Variants in MAP7 observed in about 807,000 individuals in gnomAD.
MAP7 encodes the protein ensconsin.
MAP7 carries 52 observed loss-of-function variants against 94.8 expected under a neutral mutation model. The observed-to-expected ratio is 0.55, with a 90% CI of 0.44 to 0.69. The LOEUF (loss-of-function observed/expected upper bound fraction) is 0.69. Ranked by LOEUF, MAP7 falls within the 30% of genes least tolerant of loss-of-function variation. The probability of loss-of-function intolerance (pLI) is 0.00; values close to 1 mark genes in which losing one functional copy is unlikely to be tolerated. For missense variants in MAP7, 940 were observed against 964.6 expected (o/e 0.97, Z 0.34); for synonymous variants, 350 against 357.0 (o/e 0.98, Z 0.22).
intron 16 of MAP7, among the ~76,000 whole-genome samples, chr6:136,350,670 C>G (rs369369058): frequency 6.6e-6 from 1 of 152,140 alleles, no homozygotes. Flanking sequence ...CTGGGCAACA[C>G]AGGGAGACCT....
intron 2 of MAP7, among the ~76,000 whole-genome samples, chr6:136,414,031 C>T (rs1231055331): frequency 2.6e-5 from 4 of 151,516 alleles, no homozygotes; most frequent in Admixed American, 1.3e-4. Context: ...GGGCGGATCA[C>T]GAGGTCAGGA....
intron 1 of MAP7, among the ~76,000 whole-genome samples, chr6:136,468,777 G>A (rs912136846): frequency 3.3e-5 from 5 of 152,062 alleles, no homozygotes; most frequent in East Asian, 3.9e-4. Context: ...CTCTTAAGTC[G>A]GGACCTGGCT....
chr6:136,389,840 T>C (rs542182344), intron 3 of MAP7, among the ~76,000 whole-genome samples: 91 of 152,320 alleles, frequency 6.0e-4, no homozygotes, highest in African/African-American at 2.0e-3. Flanking sequence ...TGAAAATCAA[T>C]AGTACCATCT....
chr6:136,531,070 C>T lies in MAP7; in HGVS notation c.67+19272G>A, dbSNP rs1828443720. ...TTAGGTGTGAAATGCCACATTAAACCTTAACCCAGTAGCACATAATGGAAT... is the reference window on the plus strand; with the variant it reads ...TTAGGTGTGAAATGCCACATTAAACTTTAACCCAGTAGCACATAATGGAAT... On this transcript the variant is annotated intron_variant, in intron 1 of 17. Coordinates refer to ENST00000354570, the MANE Select transcript of MAP7 (RefSeq NM_003980.6). Among the ~76,000 whole-genome samples the T allele has an allele frequency of 1.4e-5, 2 of 145,044 alleles. 1 individual carries two copies. Among genetic ancestry groups the T allele is most frequent in the African/African-American group, 5.7e-5 (2 of 35,076 alleles).
chr6:136,372,593 C>G lies in MAP7; in HGVS notation c.784G>C (p.Ala262Pro). Residue 262 changes from alanine to proline, a missense_variant, in exon 8 of 18, where the codon GCT becomes CCT. Physicochemically the swap from Ala to Pro is conservative, Grantham distance 27. Transcript: ENST00000354570. Reference sequence around the variant, plus strand: ...TCCATCGAATTTCTAGAGTGTGCAGCTTTGTAGGGCATGATGATGGGGCTG... The same window carrying G: ...TCCATCGAATTTCTAGAGTGTGCAGGTTTGTAGGGCATGATGATGGGGCTG... ...SCSPIIMPYK[A>P]AHSRNSMDRP... The G allele has an allele frequency of 6.2e-7, 1 of 1,614,124 alleles. No individual in the cohort carries two copies. The highest frequency in any genetic ancestry group is 8.5e-7 in the Non-Finnish European group (1 of 1,180,030).
chr6:136,365,748 T>C lies in MAP7; in HGVS notation c.1260A>G (p.Pro420=), dbSNP rs147391851. ...GTTTGCTCTTACCAGGGCCAACTTC[T>C]GGTTCAGCAGGTGTCCGCTCTTCAA... ...ATVEERTPAE[P]EVGPAAPAMA... Residue 420 remains proline, a synonymous_variant, in exon 10 of 18, where the codon CCA becomes CCG. Transcript: ENST00000354570. 15 of 1,613,572 alleles carry C rather than the reference T, an allele frequency of 9.3e-6. No individual in the cohort carries two copies. The East Asian group carries it at 2.2e-4, about 24-fold the overall frequency.
intron 1 of MAP7, among the ~76,000 whole-genome samples, chr6:136,460,829 C>T (rs1458243048): frequency 6.6e-6 from 1 of 152,010 alleles, no homozygotes; most frequent in Non-Finnish European, 1.5e-5. Context: ...CTGCTTTAAA[C>T]CCACAGAACA....
In MAP7 at chr6:136,342,849, C is replaced by A. The variant is rs1172830290; in HGVS notation, c.*1379G>T. The A allele has an allele frequency of 6.6e-6, 1 of 152,128 alleles. No homozygotes were observed. The highest frequency in any genetic ancestry group is 1.5e-5 in the Non-Finnish European group (1 of 68,030). The allele number at this position is 152,128 out of a possible 1,614,324, so 9.4% of individuals were successfully genotyped here. ...ATAATGACTATGTGTACATGGACAA[C>A]TGAAAACAGGGAAAACCCCCAAATT... On this transcript the variant is annotated 3_prime_UTR_variant, in exon 18 of 18. Transcript: ENST00000354570.
chr6:136,406,172 C>T (rs564132396), intron 3 of MAP7, among the ~76,000 whole-genome samples: 3 of 152,070 alleles, frequency 2.0e-5, no homozygotes, highest in Non-Finnish European at 2.9e-5. Context: ...TAACCAGGAT[C>T]GATTCTAAGT....
chr6:136,360,844 G>A (rs749450193), intron 12 of MAP7, 46 bp from the exon 13 acceptor site: 1 of 1,598,950 alleles, frequency 6.3e-7, no homozygotes, highest in Non-Finnish European at 8.5e-7. Context: ...CAGGCGGGCT[G>A]CCCGGGTCTC....
chr6:136,522,493 A>G (rs543843368), intron 1 of MAP7, among the ~76,000 whole-genome samples: 22 of 152,266 alleles, frequency 1.4e-4, no homozygotes, highest in African/African-American at 4.8e-4. Context: ...ACCTGAAAAG[A>G]TGGTACTCAT....
At chr6:136,539,173 T>C (rs1829117688) in intron 1 of MAP7, among the ~76,000 whole-genome samples, 1 of 152,234 alleles carries the variant, frequency 6.6e-6, no homozygotes, top group South Asian at 2.1e-4. Context: ...ACTTGGTGCC[T>C]ATGCTGTGTC....
At chr6:136,511,275 G>C (rs1423061933) in intron 1 of MAP7, among the ~76,000 whole-genome samples, 1 of 152,020 alleles carries the variant, frequency 6.6e-6, no homozygotes, top group Admixed American at 6.6e-5. Context: ...ATACCATTAA[G>C]AATTAGGATA....
intron 1 of MAP7, among the ~76,000 whole-genome samples, chr6:136,507,774 T>C (rs1222929424): frequency 2.0e-5 from 3 of 152,214 alleles, no homozygotes. Context: ...CTACTAGCCC[T>C]GATTTATGGA....
intron 12 of MAP7, 26 bp from the exon 13 acceptor site, chr6:136,360,824 C>T: frequency 6.2e-7 from 1 of 1,610,804 alleles, no homozygotes; most frequent in South Asian, 1.1e-5. Flanking sequence ...CGGCGTCTGC[C>T]TCTGACAAAC....
At chr6:136,539,871 C>T (rs905092140) in intron 1 of MAP7, among the ~76,000 whole-genome samples, 3 of 152,216 alleles carry the variant, frequency 2.0e-5, no homozygotes, top group African/African-American at 7.2e-5. Flanking sequence ...CTCAGGTACT[C>T]GGTAGGCTGA....
chr6:136,460,285 T>C (rs1804742272), intron 1 of MAP7, among the ~76,000 whole-genome samples: 1 of 152,184 alleles, frequency 6.6e-6, no homozygotes, highest in Admixed American at 6.6e-5. Flanking sequence ...TATTTGATTA[T>C]TAATATGCAC....
At chr6:136,431,476 T>C (rs1015132414) in intron 1 of MAP7, among the ~76,000 whole-genome samples, 10 of 148,840 alleles carry the variant, frequency 6.7e-5, no homozygotes, top group African/African-American at 2.5e-5. Flanking sequence ...ACCCAATAAA[T>C]ATCAACTTTT....
At chr6:136,489,181 TTA>T in intron 1 of MAP7, among the ~76,000 whole-genome samples, 1 of 152,222 alleles carries the variant, frequency 6.6e-6, no homozygotes, top group South Asian at 2.1e-4. Flanking sequence ...TATTTTTTTT[TTA>T]TGAGATTTCA....
Sources: gnomAD v4.1 joint callset for allele counts (sites outside exome capture counted in the v4.1 genomes callset) on GRCh38, gnomAD v4.1.1 for gene constraint, MANE v1.5 for transcripts, NCBI Gene and HGNC (gene_info 2026-07-23, HGNC 2026-07-21) for gene names.